The following UGT2B28 variants were observed in gnomAD, a reference collection of about 807,000 sequenced individuals.
The protein encoded by UGT2B28 is UDP-glucuronosyltransferase 2B28.
UGT2B28 carries 45 observed loss-of-function variants against 43.6 expected under a neutral mutation model. That is an observed-to-expected ratio of 1.03 (90% CI 0.81 to 1.32). The LOEUF (loss-of-function observed/expected upper bound fraction) is 1.32. UGT2B28 is among the 40% of genes most tolerant of loss of function. The pLI is 0.00. For synonymous variants in UGT2B28, 204 were observed against 208.1 expected, an observed-to-expected ratio of 0.98 and a Z score of 0.17; for missense variants, 649 against 625.5, an observed-to-expected ratio of 1.04 and a Z score of -0.40.
rs1723797317 is a variant in UGT2B28, at chr4:69,286,973, T to G, written c.1002+90T>G. 3 of 1,501,304 alleles carry G rather than the reference T, an allele frequency of 2.0e-6. No individual in the cohort carries two copies. The Admixed American group carries it at 6.3e-5, about 32-fold the overall frequency. 93.0% of individuals were successfully genotyped at this position (1,501,304 alleles called of 1,614,324 possible). A position where few individuals can be genotyped will look rare whatever the true frequency, so the allele number is the denominator to read the frequency against. ...CACAGAAAGAATATTAAGGCTAGACTGAACTCTTTACAGCCAAATACAGTC... is the reference window on the plus strand; with the variant it reads ...CACAGAAAGAATATTAAGGCTAGACGGAACTCTTTACAGCCAAATACAGTC... On this transcript the variant is annotated intron_variant, in intron 3 of 5. Transcript: ENST00000335568.
chr4:69,289,133 AT>A lies in UGT2B28; in HGVS notation c.1003-527del, dbSNP rs925012396. 6.5e-5 allele frequency among the ~76,000 whole-genome samples: 9 copies of A among 138,774 alleles called. 2 individuals carry two copies. The highest frequency in any genetic ancestry group is 2.6e-4 in the African/African-American group (9 of 35,250). 91.0% of individuals were successfully genotyped at this position (138,774 alleles called of 152,430 possible). A position where few individuals can be genotyped will look rare whatever the true frequency, so the allele number is the denominator to read the frequency against. On this transcript the variant is annotated intron_variant, in intron 3 of 5. Transcript: ENST00000335568. ...TAATGGGATTGCTGGGTTTCATGGTATTTTTGCCTCTAGGTTTCTGAGGAAT... is the reference window on the plus strand; with the variant it reads ...TAATGGGATTGCTGGGTTTCATGGTATTTTGCCTCTAGGTTTCTGAGGAAT...
At chr4:69,282,142 G>T (rs1342716190) in intron 1 of UGT2B28, among the ~76,000 whole-genome samples, 1 of 139,318 alleles carries the variant, frequency 7.2e-6, no homozygotes, top group Non-Finnish European at 1.5e-5. Flanking sequence ...GGGTACAGTA[G>T]AATTAATTGA....
rs1339201342 is a variant in UGT2B28 at position 69,294,728 on chromosome 4, T to C, written c.1509T>C (p.Thr503=). The change falls in exon 6 of 6, where the codon ACT becomes ACC. Residue 503 remains threonine, a synonymous_variant. Coordinates refer to ENST00000335568, the MANE Select transcript of UGT2B28 (RefSeq NM_053039.2). ...VIGFLLACVA[T]VIFVVTKFCL... The stretch of plus-strand genomic sequence containing the variant: ...GGTTTCTGCTGGCCTGTGTGGCAAC[T>C]GTGATATTTGTCGTCACAAAGTTTT... 6.4e-7 allele frequency: 1 copy of C among 1,559,838 alleles called. No individual in the cohort carries two copies. The highest frequency in any genetic ancestry group is 8.7e-7 in the Non-Finnish European group (1 of 1,155,368).
At chr4:69,294,109 G>C (rs572200071) in intron 5 of UGT2B28, among the ~76,000 whole-genome samples, 1 of 139,688 alleles carries the variant, frequency 7.2e-6, no homozygotes, top group East Asian at 2.1e-4. Flanking sequence ...TAATTGGATT[G>C]TTCATAATAC....
chr4:69,287,950 A>G (rs1198761107), intron 3 of UGT2B28, among the ~76,000 whole-genome samples: 1 of 140,548 alleles, frequency 7.1e-6, no homozygotes, highest in African/African-American at 2.8e-5. Context: ...CTTTATGAGG[A>G]TTGCTTTGGA....
At chr4:69,293,267 T>C (rs1577998271) in intron 5 of UGT2B28, among the ~76,000 whole-genome samples, 1 of 140,158 alleles carries the variant, frequency 7.1e-6, no homozygotes, top group South Asian at 2.4e-4. Flanking sequence ...CACTAAAAGG[T>C]TCAGAAAAAG....
In UGT2B28 at chr4:69,285,256, A is replaced by G. The variant is rs1185963398; in HGVS notation, c.871-1496A>G. On this transcript the variant is annotated intron_variant, in intron 2 of 5. Transcript: ENST00000335568. ...ATAAAAAAATACATATTTTCTATAA[A>G]TAATATCTCTAGGTAGAAATTTTAG... 8.5e-5 allele frequency among the ~76,000 whole-genome samples: 12 copies of G among 140,794 alleles called. 3 individuals are homozygous for G. Among genetic ancestry groups the G allele is most frequent in the African/African-American group, 3.0e-4 (11 of 36,100 alleles). The allele number at this position is 140,794 out of a possible 152,430, so 92.4% of individuals were successfully genotyped here. A position where few individuals can be genotyped will look rare whatever the true frequency, so the allele number is the denominator to read the frequency against.
Position 69,294,436 on chromosome 4 carries a change from A to C in UGT2B28, c.1311-94A>C. On this transcript the variant is annotated intron_variant, in intron 5 of 5. Transcript: ENST00000335568. Reference sequence around the variant, plus strand: ...TGTCAATTCTTTCAAATTTACTTTGAATTATTTGACACTTTAAAAGCCTTT... The same window carrying C: ...TGTCAATTCTTTCAAATTTACTTTGCATTATTTGACACTTTAAAAGCCTTT... The C allele has an allele frequency of 2.5e-6, 3 of 1,210,286 alleles. 1 individual carries two copies. The highest frequency in any genetic ancestry group is 3.6e-5 in the African/African-American group (2 of 55,506). The allele number at this position is 1,210,286 out of a possible 1,614,324, so 75.0% of individuals were successfully genotyped here.
intron 2 of UGT2B28, 130 bp downstream of exon 2, chr4:69,282,792 C>G: frequency 7.5e-7 from 1 of 1,335,208 alleles, no homozygotes; most frequent in Non-Finnish European, 9.8e-7. Flanking sequence ...AAAGCAGATA[C>G]CAAATAGAAA....
intron 4 of UGT2B28, 106 bp from the exon 5 acceptor site, chr4:69,290,486 A>G: frequency 1.4e-6 from 2 of 1,387,662 alleles, no homozygotes; most frequent in East Asian, 4.7e-5. Flanking sequence ...GTAATGGCAA[A>G]TTAGTTTAAT....
At chr4:69,286,638 A>G in intron 2 of UGT2B28, 114 bp from the exon 3 acceptor site, 1 of 1,353,992 alleles carries the variant, frequency 7.4e-7, no homozygotes, top group South Asian at 1.5e-5. Context: ...AATATTATTT[A>G]CTCCAATAAT....
chr4:69,282,259 G>A (rs1304007133), intron 1 of UGT2B28, among the ~76,000 whole-genome samples: 1 of 139,864 alleles, frequency 7.1e-6, no homozygotes, highest in Admixed American at 7.2e-5. Context: ...ATAATTGTGA[G>A]TACACTGACT....
In UGT2B28 at chr4:69,288,377, G is replaced by A. The variant is rs1397461776; in HGVS notation, c.1003-1288G>A. On this transcript the variant is annotated intron_variant, in intron 3 of 5. Transcript: ENST00000335568. ...ACAGGCTCTAATATAATAACCTACCGACAAGTAGATACATTTATACTACTT... is the reference window on the plus strand; with the variant it reads ...ACAGGCTCTAATATAATAACCTACCAACAAGTAGATACATTTATACTACTT... 2.2e-5 allele frequency among the ~76,000 whole-genome samples: 3 copies of A among 138,444 alleles called. 1 individual carries two copies. The highest frequency in any genetic ancestry group is 4.6e-5 in the Non-Finnish European group (3 of 65,242). 90.8% of individuals were successfully genotyped at this position (138,444 alleles called of 152,430 possible). A position where few individuals can be genotyped will look rare whatever the true frequency, so the allele number is the denominator to read the frequency against.
intron 5 of UGT2B28, among the ~76,000 whole-genome samples, chr4:69,294,098 G>A (rs889561693): frequency 7.2e-6 from 1 of 139,856 alleles, no homozygotes; most frequent in Non-Finnish European, 1.5e-5. Context: ...AACTAAGAGT[G>A]TAATTGGATT....
chr4:69,289,658 G>T lies in UGT2B28; in HGVS notation c.1003-7G>T. The T allele has an allele frequency of 1.3e-6, 2 of 1,543,446 alleles. 1 individual carries two copies. Among genetic ancestry groups the T allele is most frequent in the South Asian group, 2.4e-5 (2 of 82,008 alleles). On this transcript the variant is annotated splice_polypyrimidine_tract_variant and splice_region_variant and intron_variant, in intron 3 of 5. Coordinates refer to ENST00000335568, the MANE Select transcript of UGT2B28 (RefSeq NM_053039.2). ...CATGGAATAAGATATTCTCTTTACT[G>T]TAACAGGTTCTGTGGAGATTTGATG... is the stretch of plus-strand genomic sequence containing the variant.
At chr4:69,285,507 G>A (rs550888210) in intron 2 of UGT2B28, among the ~76,000 whole-genome samples, 6 of 138,128 alleles carry the variant, frequency 4.3e-5, no homozygotes, top group African/African-American at 1.7e-4. Context: ...GTGGTTACAG[G>A]TAACTGCAAT....
At chr4:69,290,051 A>G (rs1451754309) in intron 4 of UGT2B28, among the ~76,000 whole-genome samples, 1 of 140,004 alleles carries the variant, frequency 7.1e-6, no homozygotes, top group Non-Finnish European at 1.5e-5. Flanking sequence ...CTACAACTTT[A>G]CACCTGTTTT....
At position 69,282,168 on chromosome 4, in the gene UGT2B28, A is replaced by G. The variant is rs1434389795; in HGVS notation, c.722-346A>G. ...AATTAATTGATTATGGAGCTCAAAG[A>G]GTTGTTTAAATATCTATATGCAACT... On this transcript the variant is annotated intron_variant, in intron 1 of 5. Coordinates refer to ENST00000335568, the MANE Select transcript of UGT2B28 (RefSeq NM_053039.2). Among the ~76,000 whole-genome samples, 2 of 139,294 alleles carry G rather than the reference A, an allele frequency of 1.4e-5. 1 individual carries two copies. Among genetic ancestry groups the G allele is most frequent in the East Asian group, 4.1e-4 (2 of 4,896 alleles). The allele number at this position is 139,294 out of a possible 152,430, so 91.4% of individuals were successfully genotyped here. A position where few individuals can be genotyped will look rare whatever the true frequency, so the allele number is the denominator to read the frequency against.
At chr4:69,285,533 G>T (rs1051348157) in intron 2 of UGT2B28, among the ~76,000 whole-genome samples, 2 of 139,104 alleles carry the variant, frequency 1.4e-5, no homozygotes, top group African/African-American at 5.7e-5. Flanking sequence ...ACAACACCTA[G>T]AAGCCCCAGG....
Sources: allele counts gnomAD v4.1 joint callset (sites outside exome capture counted in the v4.1 genomes callset), GRCh38; gene constraint gnomAD v4.1.1; transcripts MANE v1.5; gene names NCBI Gene and HGNC (gene_info 2026-07-23, HGNC 2026-07-21).